TG: variants seen among roughly 807,000 people sequenced by gnomAD.
TG encodes thyroglobulin.
TG carries 270 observed loss-of-function variants against 324.7 expected under a neutral mutation model. That is an observed-to-expected ratio of 0.83 (90% CI 0.75 to 0.92). The LOEUF is 0.92. TG is among the 40% of genes least tolerant of loss of function. The pLI, the probability that TG is intolerant of heterozygous loss-of-function variation, is 0.00. For synonymous variants in TG, 1,401 were observed against 1,327.0 expected, an observed-to-expected ratio of 1.06 and a Z score of -1.21; for missense variants, 3,591 against 3,456.4, an observed-to-expected ratio of 1.04 and a Z score of -0.98.
intron 37 of TG, among the ~76,000 whole-genome samples, chr8:133,015,409 G>C (rs1420972398): frequency 6.6e-6 from 1 of 152,188 alleles, no homozygotes; most frequent in East Asian, 1.9e-4. Flanking sequence ...TCTTAACCCA[G>C]GTAGTCACGT....
At chr8:133,057,854 C>T (rs1185775369) in intron 41 of TG, among the ~76,000 whole-genome samples, 2 of 151,762 alleles carry the variant, frequency 1.3e-5, no homozygotes, top group East Asian at 3.9e-4. Flanking sequence ...GAAGAATGAT[C>T]TCCCAAAAGC....
intron 20 of TG, among the ~76,000 whole-genome samples, chr8:132,918,102 A>G (rs1248007418): frequency 2.0e-5 from 3 of 152,084 alleles, no homozygotes; most frequent in Non-Finnish European, 2.9e-5. Flanking sequence ...ATTCTGACTT[A>G]GAAACGTGCT....
rs1829158639 is a variant in TG at position 132,969,506 on chromosome 8, A to G, written c.5912A>G (p.Gln1971Arg). The G allele has an allele frequency of 1.9e-6, 3 of 1,613,814 alleles. No individual in the cohort carries two copies. In the South Asian group the frequency reaches 3.3e-5, roughly 18 times the overall value. Reference sequence around the variant, plus strand: ...AACTTTTACACTCGCCTGCCGTTCCAAAAACTGATGGGGATATCCATTAGA... The same window carrying G: ...AACTTTTACACTCGCCTGCCGTTCCGAAAACTGATGGGGATATCCATTAGA... ...VKNFYTRLPF[Q>R]KLMGISIRNK... The change falls in exon 32 of 48, where the codon CAA (glutamine) becomes CGA (arginine). Residue 1971 changes from glutamine (Q) to arginine (R), a missense_variant. Physicochemically the swap from Gln to Arg is conservative, Grantham distance 43 (BLOSUM62 1). Coordinates refer to ENST00000220616, the MANE Select transcript of TG (RefSeq NM_003235.5).
intron 41 of TG, among the ~76,000 whole-genome samples, chr8:133,084,925 A>C (rs969021440): frequency 7.2e-5 from 11 of 152,184 alleles, no homozygotes; most frequent in African/African-American, 2.7e-4. Context: ...TTTGGAGAAA[A>C]ATGGCCTGAA....
intron 35 of TG, among the ~76,000 whole-genome samples, chr8:132,984,880 T>C (rs1301697445): frequency 1.3e-5 from 2 of 151,406 alleles, no homozygotes; most frequent in Non-Finnish European, 1.5e-5. Flanking sequence ...AGGCAGAGGT[T>C]GCAGTGAGCT....
At chr8:132,922,948 T>A (rs1283736161) in intron 21 of TG, among the ~76,000 whole-genome samples, 1 of 152,174 alleles carries the variant, frequency 6.6e-6, no homozygotes, top group Non-Finnish European at 1.5e-5. Context: ...AGGAAGGCTT[T>A]CCTGAGACAA....
At chr8:132,969,157 T>C (rs35619992) in intron 31 of TG, among the ~76,000 whole-genome samples, 64 of 152,174 alleles carry the variant, frequency 4.2e-4, no homozygotes, top group Non-Finnish European at 8.7e-4. Context: ...GTTGCTTCTT[T>C]GTTCTTTCCA....
intron 33 of TG, chr8:132,972,337 A>T (rs754141353): frequency 1.8e-6 from 1 of 551,714 alleles, no homozygotes; most frequent in African/African-American, 1.9e-5. Flanking sequence ...AAGTGAAGTG[A>T]TACCAACAGA....
intron 35 of TG, among the ~76,000 whole-genome samples, chr8:132,994,312 T>A (rs1465634081): frequency 6.6e-6 from 1 of 152,242 alleles, no homozygotes; most frequent in African/African-American, 2.4e-5. Context: ...ATCAATATTT[T>A]AATATCTTTT....
chr8:133,008,400 A>G (rs1259174665), intron 35 of TG, among the ~76,000 whole-genome samples: 2 of 152,252 alleles, frequency 1.3e-5, no homozygotes, highest in South Asian at 2.1e-4. Context: ...TCACTTACAG[A>G]TAAGTACTCA....
At chr8:132,971,311 A>G (rs1385308584) in intron 32 of TG, among the ~76,000 whole-genome samples, 4 of 152,176 alleles carry the variant, frequency 2.6e-5, no homozygotes, top group Non-Finnish European at 4.4e-5. Context: ...AGGGGAAGTG[A>G]AGGGGAGCAC....
chr8:132,910,971 G>A (rs191218314), intron 18 of TG, among the ~76,000 whole-genome samples: 2 of 152,196 alleles, frequency 1.3e-5, no homozygotes, highest in South Asian at 4.1e-4. Flanking sequence ...GCCACACTTA[G>A]GCTGGGAGGA....
intron 40 of TG, among the ~76,000 whole-genome samples, chr8:133,029,001 G>C (rs1836367762): frequency 6.6e-6 from 1 of 152,074 alleles, no homozygotes; most frequent in African/African-American, 2.4e-5. Context: ...GAAGGCCATG[G>C]AACCTGATGA....
chr8:133,044,863 A>T, intron 41 of TG: 1 of 933,238 alleles, frequency 1.1e-6, no homozygotes, highest in Non-Finnish European at 1.7e-6. Context: ...GAGAGAGCAT[A>T]TCATGAAGGC....
chr8:133,053,141 G>C lies in TG; in HGVS notation c.7239+23118G>C, dbSNP rs541630534. Among the ~76,000 whole-genome samples, 54 of 152,214 alleles carry C rather than the reference G, an allele frequency of 3.5e-4. No homozygotes were observed. The South Asian group carries it at 8.9e-3, about 25-fold the overall frequency. On this transcript the variant is annotated intron_variant, in intron 41 of 47. Transcript: ENST00000220616. ...TCCCTCCTTCACCGTTCCCACCTTTGTCAACTCTAAACTCACCTCTGCAGA... is the reference window on the plus strand; with the variant it reads ...TCCCTCCTTCACCGTTCCCACCTTTCTCAACTCTAAACTCACCTCTGCAGA...
intron 41 of TG, among the ~76,000 whole-genome samples, chr8:133,069,140 A>G (rs1034698904): frequency 6.6e-6 from 1 of 152,274 alleles, no homozygotes; most frequent in Non-Finnish European, 1.5e-5. Context: ...GTGGAGGTAG[A>G]TGGAAACTTT....
chr8:133,046,019 G>T (rs944854126), intron 41 of TG, among the ~76,000 whole-genome samples: 4 of 152,192 alleles, frequency 2.6e-5, no homozygotes, highest in African/African-American at 9.7e-5. Context: ...TAAGAACCAC[G>T]TGAAAGGCGG....
At chr8:133,032,168 C>T (rs756108770) in intron 41 of TG, among the ~76,000 whole-genome samples, 20 of 152,150 alleles carry the variant, frequency 1.3e-4, no homozygotes, top group African/African-American at 4.6e-4. Flanking sequence ...TTGTTGCTCT[C>T]GGGGCCCCAG....
intron 43 of TG, chr8:133,102,317 A>C (rs1391710043): frequency 2.1e-6 from 1 of 470,122 alleles, no homozygotes; most frequent in African/African-American, 1.9e-5. Context: ...CCACAAACAC[A>C]TGCAGTGCAG....
Sources: allele counts gnomAD v4.1 joint callset (sites outside exome capture counted in the v4.1 genomes callset), GRCh38; gene constraint gnomAD v4.1.1; transcripts MANE v1.5; gene names NCBI Gene and HGNC (gene_info 2026-07-23, HGNC 2026-07-21).